EPHA6: variants seen among roughly 807,000 people sequenced by gnomAD.
EPHA6 encodes the protein ephrin type-A receptor 6.
EPHA6 carries 50 observed loss-of-function variants against 112.0 expected under a neutral mutation model. That is an observed-to-expected ratio of 0.45 (90% CI 0.36 to 0.56). The LOEUF is 0.56. EPHA6 is among the 20% of genes least tolerant of loss of function. The pLI is 0.00. For missense variants in EPHA6, 1,280 were observed against 1,417.4 expected, an observed-to-expected ratio of 0.90 and a Z score of 1.56; for synonymous variants, 529 against 490.7, an observed-to-expected ratio of 1.08 and a Z score of -1.03.
chr3:97,146,073 T>C (rs988535071), intron 3 of EPHA6, among the ~76,000 whole-genome samples: 3 of 151,838 alleles, frequency 2.0e-5, no homozygotes, highest in Non-Finnish European at 2.9e-5. Flanking sequence ...TCCTTTTAAA[T>C]TATACAATAT....
In EPHA6 at chr3:97,637,880, A is replaced by T; in HGVS notation, c.2582A>T (p.Asp861Val). Residue 861 changes from aspartate to valine, a missense_variant, in exon 14 of 18, where the codon GAT (aspartate) becomes GTT (valine). This residue lies in a region of EPHA6 where 878 missense variants were observed against 999.7 expected (regional missense o/e 0.88). Transcript: ENST00000389672. ...ATTGTGATTCTCTTGCAGAAGCATG[A>T]TGGCCACTTCACAGTCATCCAGTTG... ...GSLDSFLRKH[D>V]GHFTVIQLVG... 1 of 1,613,744 alleles carries T rather than the reference A, an allele frequency of 6.2e-7. No individual in the cohort carries two copies. The highest frequency in any genetic ancestry group is 1.1e-5 in the South Asian group (1 of 91,088).
At chr3:97,400,387 G>T (rs2086925368) in intron 5 of EPHA6, among the ~76,000 whole-genome samples, 1 of 151,802 alleles carries the variant, frequency 6.6e-6, no homozygotes, top group South Asian at 2.1e-4. Context: ...CAGGCAGTGT[G>T]ATGCCTCCAG....
chr3:97,224,524 A>G (rs2108540587), intron 3 of EPHA6, among the ~76,000 whole-genome samples: 1 of 152,318 alleles, frequency 6.6e-6, no homozygotes, highest in East Asian at 1.9e-4. Flanking sequence ...ACGCTACTTT[A>G]TATTCTGAAC....
At chr3:96,947,631 G>T (rs1306750995) in intron 2 of EPHA6, among the ~76,000 whole-genome samples, 1 of 152,116 alleles carries the variant, frequency 6.6e-6, no homozygotes, top group Non-Finnish European at 1.5e-5. Context: ...CAAATCATGA[G>T]TGAACTCCCA....
chr3:97,374,800 T>C (rs1467451727), intron 5 of EPHA6, among the ~76,000 whole-genome samples: 4 of 152,142 alleles, frequency 2.6e-5, no homozygotes, highest in African/African-American at 7.2e-5. Flanking sequence ...TGGAGGCCAT[T>C]ATCCTAAACA....
chr3:96,946,346 C>G (rs976703304), intron 2 of EPHA6, among the ~76,000 whole-genome samples: 4 of 151,776 alleles, frequency 2.6e-5, no homozygotes, highest in African/African-American at 9.7e-5. Flanking sequence ...CACGACAGGC[C>G]CCGGTGTGTG....
chr3:97,265,920 G>A (rs2079665604), intron 5 of EPHA6, among the ~76,000 whole-genome samples: 3 of 152,186 alleles, frequency 2.0e-5, no homozygotes, highest in African/African-American at 7.2e-5. Flanking sequence ...ATAAAAGCAG[G>A]CATTGGGCTT....
intron 6 of EPHA6, among the ~76,000 whole-genome samples, chr3:97,421,136 A>G (rs1378542508): frequency 6.6e-6 from 1 of 152,040 alleles, no homozygotes; most frequent in Non-Finnish European, 1.5e-5. Flanking sequence ...ACTACATAAA[A>G]ATGTCCATTA....
chr3:97,279,964 C>A (rs748000859), intron 5 of EPHA6, among the ~76,000 whole-genome samples: 24 of 152,122 alleles, frequency 1.6e-4, no homozygotes, highest in Non-Finnish European at 3.1e-4. Context: ...TGGCTCACTG[C>A]AATCTCTGCC....
intron 7 of EPHA6, among the ~76,000 whole-genome samples, chr3:97,470,154 T>G (rs1674012701): frequency 6.6e-6 from 1 of 151,746 alleles, no homozygotes. Flanking sequence ...CTCCATTATG[T>G]GTTGCTAAAT....
intron 6 of EPHA6, among the ~76,000 whole-genome samples, chr3:97,420,076 A>G (rs728072): frequency 0.15 from 22,787 of 152,156 alleles, 5,368 homozygotes; most frequent in African/African-American, 0.5. Flanking sequence ...TGCATTTTTC[A>G]TGGGTCAATT....
At chr3:97,324,405 T>TTTCTTTCTTTC (rs2082269089) in intron 5 of EPHA6, among the ~76,000 whole-genome samples, 6 of 104,566 alleles carry the variant, frequency 5.7e-5, no homozygotes, top group South Asian at 7.0e-4. Flanking sequence ...GCTTTCCTTC[T>TTTCTTTCTTTC]TTTCTTTCTT....
chr3:97,179,717 G>GTCTCTCTCTCTCTCTCTCTCTCTC (rs71113852), intron 3 of EPHA6, among the ~76,000 whole-genome samples: 5 of 119,176 alleles, frequency 4.2e-5, no homozygotes, highest in African/African-American at 1.9e-4. Flanking sequence ...AACCTACAGA[G>GTCTCTCTCTCTCTCTCTCTCTCTC]TCTCTCTCTC....
chr3:96,883,572 A>G (rs2037446208), intron 2 of EPHA6, among the ~76,000 whole-genome samples: 1 of 152,178 alleles, frequency 6.6e-6, no homozygotes, highest in African/African-American at 2.4e-5. Flanking sequence ...TCCTTAATGC[A>G]TCTTGAGTTG....
chr3:97,002,945 A>G (rs147112703), intron 3 of EPHA6, among the ~76,000 whole-genome samples: 9 of 152,296 alleles, frequency 5.9e-5, no homozygotes, highest in African/African-American at 1.9e-4. Context: ...GTTTAAAAAT[A>G]GACTAAATTA....
intron 11 of EPHA6, among the ~76,000 whole-genome samples, chr3:97,539,094 TCC>T (rs1422358974): frequency 6.8e-5 from 10 of 146,434 alleles, no homozygotes; most frequent in African/African-American, 2.4e-4. Context: ...CTTCCTTCCT[TCC>T]TTCCTTCCTT....
chr3:97,714,564 T>C (rs1051144300), intron 14 of EPHA6, among the ~76,000 whole-genome samples: 1 of 152,216 alleles, frequency 6.6e-6, no homozygotes, highest in Non-Finnish European at 1.5e-5. Flanking sequence ...TTTTACACTA[T>C]AAAATAATTT....
intron 5 of EPHA6, among the ~76,000 whole-genome samples, chr3:97,392,479 G>A (rs1163705280): frequency 1.3e-5 from 2 of 151,246 alleles, no homozygotes; most frequent in East Asian, 1.9e-4. Context: ...GGATTTGGGG[G>A]TATTGCTATT....
chr3:97,324,392 T>G (rs575956117), intron 5 of EPHA6, among the ~76,000 whole-genome samples: 4 of 145,738 alleles, frequency 2.7e-5, no homozygotes, highest in South Asian at 2.1e-4. Flanking sequence ...CTAAGATTTC[T>G]TTGCTTTCCT....
Sources: allele counts gnomAD v4.1 joint callset (sites outside exome capture counted in the v4.1 genomes callset), GRCh38; gene constraint gnomAD v4.1.1; regional missense constraint gnomAD v4.1.1; transcripts MANE v1.5; gene names NCBI Gene and HGNC (gene_info 2026-07-23, HGNC 2026-07-21).